HYDIN: variants seen among roughly 807,000 people sequenced by gnomAD.
The protein encoded by HYDIN is HYDIN axonemal central pair apparatus protein.
In HYDIN, 132 loss-of-function variants were observed where a neutral mutation model predicts 403.9. That is an observed-to-expected ratio of 0.33 (90% CI 0.28 to 0.38). The LOEUF is 0.38. HYDIN is among the 10% of genes least tolerant of loss of function. The probability of loss-of-function intolerance (pLI) is 1.00; values close to 1 mark genes in which losing one functional copy is unlikely to be tolerated. For synonymous variants in HYDIN, 1,202 were observed against 1,891.7 expected, an observed-to-expected ratio of 0.64 and a Z score of 9.46; for missense variants, 2,827 against 5,009.5, an observed-to-expected ratio of 0.56 and a Z score of 13.15.
rs13338821 is a variant in HYDIN at position 70,866,208 on chromosome 16, C to T, written c.11432G>A (p.Arg3811His). The stretch of plus-strand genomic sequence containing the variant: ...CTGGTAAACCAAGGTTTCCTTAAAG[C>T]GCACATCTCTTGCTTGGCAATGGTA... Reference protein sequence around the residue: ...ASYHCQARDVRFKETLVYQTR... With the variant: ...ASYHCQARDVHFKETLVYQTR... Residue 3811 changes from arginine (R) to histidine (H), a missense_variant, in exon 67 of 86, where the codon CGC becomes CAC. Physicochemically the swap from Arg to His is conservative, Grantham distance 29. Transcript: ENST00000393567. 7.2e-3 allele frequency: 10,691 copies of T among 1,491,486 alleles called. 243 individuals carry two copies. The African/African-American group carries it at 0.11, about 16-fold the overall frequency. The allele number at this position is 1,491,486 out of a possible 1,614,324, so 92.4% of individuals were successfully genotyped here.
intron 83 of HYDIN, among the ~76,000 whole-genome samples, chr16:70,820,260 G>A (rs1377904152): frequency 7.8e-6 from 1 of 128,232 alleles, no homozygotes; most frequent in Non-Finnish European, 1.6e-5. Flanking sequence ...GCGCAATCTC[G>A]GCTCCCGGCA....
At chr16:70,905,390 T>G (rs2076505763) in intron 50 of HYDIN, among the ~76,000 whole-genome samples, 1 of 152,084 alleles carries the variant, frequency 6.6e-6, no homozygotes, top group African/African-American at 2.4e-5. Flanking sequence ...ACGCCTGTAA[T>G]CCAGCACTTT....
intron 75 of HYDIN, among the ~76,000 whole-genome samples, chr16:70,847,609 C>T (rs2143568676): frequency 6.6e-6 from 1 of 151,878 alleles, no homozygotes. Flanking sequence ...TATAAAATTC[C>T]TTGTTGATAA....
intron 23 of HYDIN, among the ~76,000 whole-genome samples, chr16:71,011,091 C>T (rs201979150): frequency 6.6e-6 from 1 of 152,094 alleles, no homozygotes; most frequent in Non-Finnish European, 1.5e-5. Context: ...TAGGAGGACC[C>T]GTAGGAGGAC....
chr16:70,938,131 C>T (rs1454660191), intron 44 of HYDIN, among the ~76,000 whole-genome samples: 13 of 152,316 alleles, frequency 8.5e-5, no homozygotes, highest in African/African-American at 2.9e-4. Context: ...CAGCACCGCC[C>T]AAGGCCAAGA....
In HYDIN at chr16:70,884,079, A is replaced by G. The variant is rs1216063439; in HGVS notation, c.9820T>C (p.Ser3274Pro). Residue 3274 changes from serine (S) to proline (P), a missense_variant, in exon 59 of 86, where the codon TCC becomes CCC. Physicochemically the swap from Ser to Pro is moderately conservative, Grantham distance 74 (BLOSUM62 -1). Transcript: ENST00000393567. ...GMFTVYPGFGSIPSGGQQVIN... is the reference protein window; with the variant it reads ...GMFTVYPGFGPIPSGGQQVIN... ...ACCTGCTGTCCTCCGGAAGGAATGG[A>G]GCCAAACCCAGGGTACACGGTGAAC... The G allele has an allele frequency of 8.1e-6, 13 of 1,610,910 alleles. No homozygotes were observed. The highest frequency in any genetic ancestry group is 1.1e-5 in the Non-Finnish European group (13 of 1,178,686).
At chr16:71,198,859 G>A (rs1399164658) in intron 1 of HYDIN, among the ~76,000 whole-genome samples, 3 of 152,182 alleles carry the variant, frequency 2.0e-5, no homozygotes, top group African/African-American at 7.2e-5. Context: ...GGTGCACAGT[G>A]AATCTCCTTC....
chr16:71,196,787 T>A (rs960267914), intron 1 of HYDIN, among the ~76,000 whole-genome samples: 1 of 152,102 alleles, frequency 6.6e-6, no homozygotes, highest in Non-Finnish European at 1.5e-5. Flanking sequence ...GAGAGTGACC[T>A]CTGGTTGTCC....
At chr16:71,052,922 G>C (rs2144239069) in intron 18 of HYDIN, among the ~76,000 whole-genome samples, 1 of 139,318 alleles carries the variant, frequency 7.2e-6, no homozygotes, top group Non-Finnish European at 1.6e-5. Flanking sequence ...AAAGAAAATG[G>C]ATACAGTGAA....
chr16:70,955,500 C>A lies in HYDIN; in HGVS notation c.6191G>T (p.Cys2064Phe). 10 of 1,589,462 alleles carry A rather than the reference C, an allele frequency of 6.3e-6. No homozygotes were observed. Among genetic ancestry groups the A allele is most frequent in the Non-Finnish European group, 8.6e-6 (10 of 1,161,118 alleles). ...VSVAKYYNAA[C>F]LSIDSIVLEA... ...CAGCACAATGGAGTCGATGCTCAGG[C>A]AGGCTGCGTTGTAGTACTTGGCCAC... is the stretch of plus-strand genomic sequence containing the variant. Residue 2064 changes from cysteine to phenylalanine, a missense_variant, in exon 40 of 86, where the codon TGC becomes TTC. Transcript: ENST00000393567.
intron 36 of HYDIN, among the ~76,000 whole-genome samples, chr16:70,966,091 A>G (rs1243911496): frequency 6.6e-6 from 1 of 152,088 alleles, no homozygotes; most frequent in Non-Finnish European, 1.5e-5. Context: ...GGGCAACTCC[A>G]AAGGGCCAAC....
chr16:71,130,470 GTT>G (rs56853905), intron 8 of HYDIN, among the ~76,000 whole-genome samples: 388 of 75,728 alleles, frequency 5.1e-3, no homozygotes, highest in Non-Finnish European at 6.5e-3. Flanking sequence ...ATATATACCG[GTT>G]TTTTTTTTTT....
At chr16:71,219,513 G>A (rs1177996659) in intron 1 of HYDIN, among the ~76,000 whole-genome samples, 1 of 152,064 alleles carries the variant, frequency 6.6e-6, no homozygotes, top group Admixed American at 6.6e-5. Flanking sequence ...AAGAATATAG[G>A]ATCTAACATA....
At chr16:70,940,676 G>A (rs552066030) in intron 43 of HYDIN, among the ~76,000 whole-genome samples, 151 of 152,382 alleles carry the variant, frequency 9.9e-4, no homozygotes, top group African/African-American at 3.4e-3. Flanking sequence ...GATGACTGCT[G>A]AGGGATGCCT....
At chr16:71,174,472 C>T (rs1189491123) in intron 5 of HYDIN, among the ~76,000 whole-genome samples, 2 of 152,190 alleles carry the variant, frequency 1.3e-5, no homozygotes, top group Admixed American at 6.5e-5. Flanking sequence ...CTGCTATTAA[C>T]ATGATACACA....
chr16:71,161,513 A>G (rs997939868), intron 6 of HYDIN, among the ~76,000 whole-genome samples: 1 of 152,146 alleles, frequency 6.6e-6, no homozygotes, highest in Admixed American at 6.5e-5. Flanking sequence ...ATCACTTACT[A>G]GCTCTGTGCT....
chr16:70,803,190 C>T lies in HYDIN; in HGVS notation c.*4390G>A, dbSNP rs2034968058. Reference sequence around the variant, plus strand: ...TTTTTTACCAGAAGTATTCTTTTCTCCTGAAATTATATTCTGGCTCAGGTT... The same window carrying T: ...TTTTTTACCAGAAGTATTCTTTTCTTCTGAAATTATATTCTGGCTCAGGTT... On this transcript the variant is annotated 3_prime_UTR_variant, in exon 86 of 86. Transcript: ENST00000393567. Among the ~76,000 whole-genome samples the T allele has an allele frequency of 6.6e-6, 1 of 152,018 alleles. No individual in the cohort carries two copies. Among genetic ancestry groups the T allele is most frequent in the African/African-American group, 2.4e-5 (1 of 41,390 alleles).
At chr16:71,183,041 A>G (rs1050553835) in intron 3 of HYDIN, among the ~76,000 whole-genome samples, 5 of 152,054 alleles carry the variant, frequency 3.3e-5, no homozygotes, top group East Asian at 1.9e-4. Flanking sequence ...CATTTTAAAG[A>G]TTACTTTTAC....
chr16:71,024,922 C>A (rs1409458252), intron 21 of HYDIN, among the ~76,000 whole-genome samples: 2 of 152,198 alleles, frequency 1.3e-5, no homozygotes, highest in African/African-American at 4.8e-5. Context: ...GATAACAGAA[C>A]CTGCTGCATA....
Sources: allele counts gnomAD v4.1 joint callset (sites outside exome capture counted in the v4.1 genomes callset), GRCh38; gene constraint gnomAD v4.1.1; transcripts MANE v1.5; gene names NCBI Gene and HGNC (gene_info 2026-07-23, HGNC 2026-07-21).